The following CFAP299 variants were observed in gnomAD, a reference collection of about 807,000 sequenced individuals.
CFAP299 encodes the protein cilia and flagella associated protein 299.
In CFAP299, 21 loss-of-function variants were observed where a neutral mutation model predicts 27.0. That is an observed-to-expected ratio of 0.78 (90% CI 0.55 to 1.12). The LOEUF (loss-of-function observed/expected upper bound fraction) is 1.12, where lower values mean the gene tolerates loss of function less well. CFAP299 is among the 50% of genes most tolerant of loss of function. CFAP299 has a pLI of 0.00. For synonymous variants in CFAP299, 104 were observed against 98.1 expected, an observed-to-expected ratio of 1.06 and a Z score of -0.36; for missense variants, 310 against 276.6, an observed-to-expected ratio of 1.12 and a Z score of -0.86.
chr4:80,473,106 T>A (rs922169795), intron 2 of CFAP299, among the ~76,000 whole-genome samples: 2 of 152,014 alleles, frequency 1.3e-5, no homozygotes, highest in Non-Finnish European at 1.5e-5. Flanking sequence ...ATCATTACAA[T>A]ACAATATTAC....
intron 3 of CFAP299, among the ~76,000 whole-genome samples, chr4:80,762,840 G>A (rs536601012): frequency 9.7e-4 from 147 of 152,224 alleles, no homozygotes; most frequent in African/African-American, 3.2e-3. Context: ...TGACTTTTCC[G>A]CAATGGGAGA....
chr4:80,908,375 T>C (rs556865571), intron 4 of CFAP299, among the ~76,000 whole-genome samples: 1 of 152,226 alleles, frequency 6.6e-6, no homozygotes, highest in Non-Finnish European at 1.5e-5. Context: ...GAGTTTAAAC[T>C]TTAAACATAT....
Position 80,387,411 on chromosome 4 carries a change from G to A in CFAP299, c.242+24527G>A, listed in dbSNP as rs1259506982. ...TGGAAATAGGTGCTGAACTTGCTGG[G>A]GCAGAACTGGAACAAGTAGGAGCTG... On this transcript the variant is annotated intron_variant, in intron 2 of 5. Transcript: ENST00000358105. 36 of 979,666 alleles carry A rather than the reference G, an allele frequency of 3.7e-5. No homozygotes were observed. In the East Asian group the frequency reaches 8.1e-4, roughly 22 times the overall value. 60.7% of individuals were successfully genotyped at this position (979,666 alleles called of 1,614,324 possible). A position where few individuals can be genotyped will look rare whatever the true frequency, so the allele number is the denominator to read the frequency against.
At chr4:80,492,246 C>G (rs925028094) in intron 2 of CFAP299, among the ~76,000 whole-genome samples, 10 of 152,150 alleles carry the variant, frequency 6.6e-5, no homozygotes, top group Admixed American at 3.9e-4. Flanking sequence ...TGTGCCCCGA[C>G]CACCTTGGGC....
At chr4:80,438,979 A>T (rs1178436971) in intron 2 of CFAP299, among the ~76,000 whole-genome samples, 1 of 152,228 alleles carries the variant, frequency 6.6e-6, no homozygotes, top group East Asian at 1.9e-4. Flanking sequence ...AAATAATTCA[A>T]CAGTGTTCTA....
chr4:80,919,769 A>G (rs1031598617), intron 4 of CFAP299, among the ~76,000 whole-genome samples: 1 of 152,156 alleles, frequency 6.6e-6, no homozygotes, highest in Non-Finnish European at 1.5e-5. Flanking sequence ...CTGTGTATAG[A>G]TCACCATCCA....
At position 80,585,102 on chromosome 4, in the gene CFAP299, G is replaced by A. The variant is rs979715531; in HGVS notation, c.333+1919G>A. ...AAGGATAAAGCGGATGCCAGCAGATGCACTGCAAAATCAGATGAAGAGAAA... is the reference window on the plus strand; with the variant it reads ...AAGGATAAAGCGGATGCCAGCAGATACACTGCAAAATCAGATGAAGAGAAA... On this transcript the variant is annotated intron_variant, in intron 3 of 5. Coordinates refer to ENST00000358105, the MANE Select transcript of CFAP299 (RefSeq NM_152770.3). 2.0e-5 allele frequency among the ~76,000 whole-genome samples: 3 copies of A among 152,032 alleles called. No homozygotes were observed. The South Asian group carries it at 6.2e-4, about 31-fold the overall frequency.
At chr4:80,701,541 G>A (rs1721480190) in intron 3 of CFAP299, among the ~76,000 whole-genome samples, 2 of 151,936 alleles carry the variant, frequency 1.3e-5, no homozygotes, top group South Asian at 2.1e-4. Context: ...CTACTCAGAT[G>A]TAAGTCCATT....
intron 3 of CFAP299, among the ~76,000 whole-genome samples, chr4:80,760,966 T>C (rs1412280506): frequency 1.3e-5 from 2 of 152,128 alleles, no homozygotes; most frequent in Admixed American, 1.3e-4. Context: ...AAAGTTTCAG[T>C]ATACCTGGAA....
chr4:80,333,057 AG>A (rs932713442), upstream of CFAP299, among the ~76,000 whole-genome samples: 4 of 152,134 alleles, frequency 2.6e-5, no homozygotes, highest in African/African-American at 9.7e-5. Flanking sequence ...CAGTCCTGGG[AG>A]GAATTCCATC....
At chr4:80,867,728 C>A (rs1732828678) in intron 3 of CFAP299, among the ~76,000 whole-genome samples, 1 of 152,160 alleles carries the variant, frequency 6.6e-6, no homozygotes. Context: ...TGGATTAGAG[C>A]CCACCCTAAA....
chr4:80,579,249 G>GA (rs1186733127), intron 2 of CFAP299, among the ~76,000 whole-genome samples: 7 of 152,006 alleles, frequency 4.6e-5, no homozygotes, highest in African/African-American at 1.4e-4. Flanking sequence ...CTAGCTACAA[G>GA]AAAAAAAGTA....
intron 2 of CFAP299, among the ~76,000 whole-genome samples, chr4:80,516,672 G>A (rs902774211): frequency 2.6e-5 from 4 of 152,150 alleles, no homozygotes; most frequent in African/African-American, 7.2e-5. Context: ...CCCACTTGCA[G>A]CATTAGGGAT....
chr4:80,392,648 C>G (rs1415651591), intron 2 of CFAP299, among the ~76,000 whole-genome samples: 1 of 152,142 alleles, frequency 6.6e-6, no homozygotes, highest in African/African-American at 2.4e-5. Context: ...ATTCCTAAGG[C>G]CTTCCCGGCC....
chr4:80,440,589 C>G (rs1728311324), intron 2 of CFAP299, among the ~76,000 whole-genome samples: 1 of 152,034 alleles, frequency 6.6e-6, no homozygotes, highest in African/African-American at 2.4e-5. Flanking sequence ...TTAAAAAAAA[C>G]AAAGATGAGG....
At chr4:80,941,784 C>G (rs1481525949) in intron 4 of CFAP299, among the ~76,000 whole-genome samples, 1 of 152,084 alleles carries the variant, frequency 6.6e-6, no homozygotes, top group Non-Finnish European at 1.5e-5. Flanking sequence ...TGGTGGAAGG[C>G]AAAGTGAGAA....
At chr4:80,383,973 A>G (rs1412438674) in intron 2 of CFAP299, among the ~76,000 whole-genome samples, 1 of 152,168 alleles carries the variant, frequency 6.6e-6, no homozygotes, top group African/African-American at 2.4e-5. Context: ...ATTCAATATA[A>G]CATGGTAGAA....
chr4:80,693,311 T>C (rs1420931467), intron 3 of CFAP299, among the ~76,000 whole-genome samples: 1 of 151,808 alleles, frequency 6.6e-6, no homozygotes, highest in Non-Finnish European at 1.5e-5. Context: ...TGTCCAACAA[T>C]GATAGACTGG....
chr4:80,890,956 T>A (rs1434215871), intron 4 of CFAP299, among the ~76,000 whole-genome samples: 1 of 151,744 alleles, frequency 6.6e-6, no homozygotes. Flanking sequence ...AGATTCTGGA[T>A]ATTAGCCCTT....
Sources: allele counts gnomAD v4.1 joint callset (sites outside exome capture counted in the v4.1 genomes callset), GRCh38; gene constraint gnomAD v4.1.1; transcripts MANE v1.5; gene names NCBI Gene and HGNC (gene_info 2026-07-23, HGNC 2026-07-21).